The following COPG1 variants were observed in gnomAD, a reference collection of about 807,000 sequenced individuals.
The protein encoded by COPG1 is coat protein complex I subunit gamma 1.
Under a neutral mutation model 102.8 loss-of-function variants are expected in COPG1, and 29 were observed. The ratio of observed to expected loss-of-function variants is 0.28; its 90% CI spans 0.21 to 0.38. The LOEUF (loss-of-function observed/expected upper bound fraction) is 0.38. COPG1 is among the 10% of genes least tolerant of loss of function. The pLI, the probability that COPG1 is intolerant of heterozygous loss-of-function variation, is 1.00. For missense variants in COPG1, 875 were observed against 1,132.7 expected (o/e 0.77, Z 3.27); for synonymous variants, 406 against 421.6 (o/e 0.96, Z 0.45).
chr3:129,253,198 G>T (rs925642346), intron 5 of COPG1: 17 of 449,328 alleles, frequency 3.8e-5, no homozygotes, highest in Admixed American at 8.0e-5. Context: ...AACCAAACCA[G>T]CTTAGAACTT....
intron 7 of COPG1, among the ~76,000 whole-genome samples, 173 bp from the exon 8 acceptor site, chr3:129,255,895 A>G (rs749521756): frequency 7.9e-5 from 12 of 152,010 alleles, no homozygotes; most frequent in Non-Finnish European, 1.8e-4. Flanking sequence ...GTGTTGACCC[A>G]TGCCTTGGGG....
chr3:129,259,995 C>T (rs1939892305), intron 10 of COPG1, among the ~76,000 whole-genome samples: 1 of 152,196 alleles, frequency 6.6e-6, no homozygotes, highest in Admixed American at 6.5e-5. Context: ...TGTTTGCTTT[C>T]CCCTTTGTGC....
At chr3:129,276,453 A>T (rs1576972047) in intron 23 of COPG1, among the ~76,000 whole-genome samples, 1 of 152,202 alleles carries the variant, frequency 6.6e-6, no homozygotes, top group African/African-American at 2.4e-5. Context: ...TTAAAGGACA[A>T]TACAATTATC....
intron 23 of COPG1, among the ~76,000 whole-genome samples, chr3:129,276,822 T>A (rs1940278611): frequency 7.5e-6 from 1 of 132,598 alleles, no homozygotes; most frequent in Non-Finnish European, 1.6e-5. Flanking sequence ...ACAGTGACTT[T>A]CTTTTTTTTT....
intron 13 of COPG1, among the ~76,000 whole-genome samples, chr3:129,264,759 A>G (rs139443380): frequency 3.2e-3 from 487 of 151,732 alleles, no homozygotes; most frequent in South Asian, 9.8e-3. Context: ...CTGGGATTAC[A>G]GGTGTGAGCC....
At chr3:129,259,918 CT>C (rs1229331647) in intron 10 of COPG1, among the ~76,000 whole-genome samples, 3 of 152,182 alleles carry the variant, frequency 2.0e-5, no homozygotes, top group Admixed American at 1.3e-4. Context: ...AGGGCTTAGG[CT>C]GCAGGTGCAG....
At chr3:129,268,369 T>C (rs1488146595) in intron 16 of COPG1, 126 bp from the exon 17 acceptor site, 5 of 909,558 alleles carry the variant, frequency 5.5e-6, no homozygotes, top group Non-Finnish European at 8.2e-6. Context: ...GCTTAGAGAA[T>C]AAAGTGATTT....
Position 129,271,930 on chromosome 3 carries a change from C to T in COPG1, c.1986+21C>T. 1.2e-6 allele frequency: 2 copies of T among 1,612,420 alleles called. No homozygotes were observed. Reference sequence around the variant, plus strand: ...TTCAGGTGAGCAAGGTGGGCTGAGGCCCTGCTGGGGCATGCGCCCAGGGAG... The same window carrying T: ...TTCAGGTGAGCAAGGTGGGCTGAGGTCCTGCTGGGGCATGCGCCCAGGGAG... On this transcript the variant is annotated intron_variant, in intron 19 of 23. Transcript: ENST00000314797. This position sits in a 1 kb window ranked among gnomAD's most constrained non-coding sequence, Gnocchi z 4.7.
chr3:129,250,912 CTTTTTTTTTTTTT>C (rs10706690), intron 2 of COPG1, 178 bp downstream of exon 2: 6 of 202,498 alleles, frequency 3.0e-5, no homozygotes, highest in East Asian at 2.7e-4. Flanking sequence ...ATGCTTACTT[CTTTTTTTTTTTTT>C]TTTTTTTTTT....
chr3:129,272,759 C>T, intron 20 of COPG1, 48 bp from the exon 21 acceptor site: 1 of 1,224,406 alleles, frequency 8.2e-7, no homozygotes. Context: ...GGAGCCCATC[C>T]CCTGCAGGCT....
intron 7 of COPG1, among the ~76,000 whole-genome samples, 163 bp downstream of exon 7, chr3:129,255,240 A>G (rs1290369765): frequency 6.7e-6 from 1 of 149,604 alleles, no homozygotes; most frequent in African/African-American, 2.5e-5. Flanking sequence ...GTGCAGCGCC[A>G]CGATCTCGGC....
chr3:129,257,966 A>G, intron 10 of COPG1, 106 bp downstream of exon 10: 3 of 1,437,142 alleles, frequency 2.1e-6, no homozygotes, highest in Non-Finnish European at 1.9e-6. Context: ...AACAAGTGTT[A>G]AGGAGTCTGT....
At chr3:129,255,165 G>C in intron 7 of COPG1, 88 bp downstream of exon 7, 3 of 833,744 alleles carry the variant, frequency 3.6e-6, no homozygotes, top group Non-Finnish European at 5.8e-6. Flanking sequence ...AAAAAAGAAA[G>C]TGTTTCTTTC....
intron 8 of COPG1, 127 bp downstream of exon 8, chr3:129,256,281 G>A (rs1939808623): frequency 2.8e-6 from 2 of 723,984 alleles, no homozygotes; most frequent in African/African-American, 3.5e-5. Flanking sequence ...TAATCCTTTC[G>A]TCATTGGATC....
chr3:129,274,809 G>A (rs1560068832), intron 21 of COPG1, 29 bp from the exon 22 acceptor site: 2 of 1,605,562 alleles, frequency 1.2e-6, no homozygotes, highest in Non-Finnish European at 1.7e-6. Context: ...GTGTAGATGG[G>A]TGCCTGATTT....
At chr3:129,259,606 G>GA (rs1939884646) in intron 10 of COPG1, among the ~76,000 whole-genome samples, 2 of 151,918 alleles carry the variant, frequency 1.3e-5, no homozygotes, top group Admixed American at 1.3e-4. Context: ...TAAGCATTAA[G>GA]AAAAATTTTT....
Position 129,267,919 on chromosome 3 carries a change from CT to C in COPG1, c.1545-16del. On this transcript the variant is annotated splice_polypyrimidine_tract_variant and intron_variant, in intron 15 of 23. Transcript: ENST00000314797. ...CCTGCTGGGTCCCAGTCAGGACCAC[CT>C]TGTGTCCTGGCTGCAGGTGTGTGAT... is the stretch of plus-strand genomic sequence containing the variant. 1 of 1,606,916 alleles carries C rather than the reference CT, an allele frequency of 6.2e-7. No individual in the cohort carries two copies. Among genetic ancestry groups the C allele is most frequent in the Non-Finnish European group, 8.5e-7 (1 of 1,173,766 alleles).
intron 1 of COPG1, 46 bp from the exon 2 acceptor site, chr3:129,250,636 G>C (rs1205814664): frequency 6.6e-7 from 1 of 1,510,610 alleles, no homozygotes; most frequent in East Asian, 2.3e-5. Flanking sequence ...GGAGAGTTTT[G>C]AAGTTCAGAG....
At chr3:129,260,149 C>T (rs1454709001) in intron 10 of COPG1, 184 bp from the exon 11 acceptor site, 1 of 624,068 alleles carries the variant, frequency 1.6e-6, no homozygotes, top group East Asian at 2.7e-5. Context: ...TGCTCACAGA[C>T]ATTATGGCCT....
Sources: allele counts gnomAD v4.1 joint callset (sites outside exome capture counted in the v4.1 genomes callset), GRCh38; gene constraint gnomAD v4.1.1; non-coding constraint Gnocchi (gnomAD v3.1); transcripts MANE v1.5; gene names NCBI Gene and HGNC (gene_info 2026-07-23, HGNC 2026-07-21).